Variants in RAD51B observed in about 807,000 individuals in gnomAD.
RAD51B encodes RAD51 paralog B, also known as DNA repair protein RAD51 homolog 2.
In RAD51B, 38 loss-of-function variants were observed where a neutral mutation model predicts 42.2. The observed-to-expected ratio is 0.90, with a 90% CI of 0.70 to 1.18. The LOEUF (loss-of-function observed/expected upper bound fraction) is 1.18. Ranked by LOEUF, RAD51B falls within the 50% of genes most tolerant of loss-of-function variation. RAD51B has a pLI of 0.00. For missense variants in RAD51B, 373 were observed against 400.7 expected, an observed-to-expected ratio of 0.93 and a Z score of 0.59; for synonymous variants, 154 against 145.2, an observed-to-expected ratio of 1.06 and a Z score of -0.43.
intron 7 of RAD51B, among the ~76,000 whole-genome samples, chr14:68,141,029 GAGATAAC>G (rs2078117122): frequency 6.6e-6 from 1 of 152,210 alleles, no homozygotes; most frequent in Middle Eastern, 3.2e-3. Flanking sequence ...TAATTACTCT[GAGATAAC>G]AGCAATAAAC....
At chr14:68,571,817 GT>G (rs1192806871) in intron 10 of RAD51B, among the ~76,000 whole-genome samples, 3 of 151,870 alleles carry the variant, frequency 2.0e-5, no homozygotes, top group Non-Finnish European at 4.4e-5. Context: ...TTGTTTGTTT[GT>G]TTGTTTTTTG....
chr14:68,141,485 C>G (rs948590630), intron 7 of RAD51B, among the ~76,000 whole-genome samples: 2 of 152,178 alleles, frequency 1.3e-5, no homozygotes, highest in African/African-American at 2.4e-5. Flanking sequence ...CCAGCTTAAT[C>G]ATGATTGCAT....
intron 10 of RAD51B, among the ~76,000 whole-genome samples, chr14:68,536,461 G>A (rs1191525363): frequency 6.6e-6 from 1 of 152,098 alleles, no homozygotes; most frequent in Non-Finnish European, 1.5e-5. Context: ...TGTACTTTCC[G>A]AGCCCTACAT....
intron 10 of RAD51B, among the ~76,000 whole-genome samples, chr14:68,513,531 C>T (rs778612350): frequency 6.6e-6 from 1 of 152,214 alleles, no homozygotes; most frequent in South Asian, 2.1e-4. Context: ...CAGACACATT[C>T]GGAAGAAGCA....
Position 68,124,416 on chromosome 14 carries a change from C to T in RAD51B, c.757-167468C>T, listed in dbSNP as rs572705332. ...TTCTAACTTCTAGCAGCCGTACACA[C>T]GAAAAAGTCTGTACAATATAGTGTG... On this transcript the variant is annotated intron_variant, in intron 7 of 10. Transcript: ENST00000471583. Among the ~76,000 whole-genome samples the T allele has an allele frequency of 7.2e-5, 11 of 152,256 alleles. No homozygotes were observed. In the South Asian group the frequency reaches 8.3e-4, roughly 11 times the overall value.
intron 10 of RAD51B, among the ~76,000 whole-genome samples, chr14:68,547,337 T>C (rs1009305292): frequency 6.6e-6 from 1 of 152,242 alleles, no homozygotes; most frequent in Admixed American, 6.5e-5. Flanking sequence ...CATTCTGCCT[T>C]CCTTCCGGCC....
At chr14:67,927,968 T>G (rs137877290) in intron 7 of RAD51B, among the ~76,000 whole-genome samples, 157 of 152,210 alleles carry the variant, frequency 1.0e-3, no homozygotes, top group African/African-American at 3.7e-3. Flanking sequence ...GTATTTTTTT[T>G]GTTGTAGCTT....
At chr14:68,114,809 G>A (rs997567137) in intron 7 of RAD51B, among the ~76,000 whole-genome samples, 3 of 152,136 alleles carry the variant, frequency 2.0e-5, no homozygotes, top group Non-Finnish European at 4.4e-5. Flanking sequence ...AGCAGATACT[G>A]TGAAGAATAT....
At chr14:68,231,676 A>G (rs185253874) in intron 7 of RAD51B, among the ~76,000 whole-genome samples, 40 of 152,332 alleles carry the variant, frequency 2.6e-4, no homozygotes, top group African/African-American at 8.4e-4. Flanking sequence ...ATATATTTGT[A>G]TGTATATATG....
chr14:68,435,559 C>T, intron 9 of RAD51B, among the ~76,000 whole-genome samples: 1 of 146,056 alleles, frequency 6.8e-6, no homozygotes, highest in African/African-American at 2.5e-5. Context: ...AATGGGATTG[C>T]TAAGTCAAAT....
rs1566953769 is a variant in RAD51B, at chr14:67,910,441, A to AAT, written c.756+23240_756+23241dup. Among the ~76,000 whole-genome samples, 32 of 146,196 alleles carry AAT rather than the reference A, an allele frequency of 2.2e-4. 3 individuals carry two copies. The highest frequency in any genetic ancestry group is 1.0e-3 in the East Asian group (5 of 5,008). On this transcript the variant is annotated intron_variant, in intron 7 of 10. Coordinates refer to ENST00000471583, the MANE Select transcript of RAD51B (RefSeq NM_133510.4). ...AAAAAAAAAAAAAAAAAAAAAAAAA[A>AAT]ATATTTAAATAAAAATAATGTTTCA...
At chr14:68,185,593 A>G (rs1055114848) in intron 7 of RAD51B, among the ~76,000 whole-genome samples, 1 of 152,098 alleles carries the variant, frequency 6.6e-6, no homozygotes, top group African/African-American at 2.4e-5. Context: ...ATTCAGGCAG[A>G]CGAGGCTTGC....
At chr14:68,264,649 G>A (rs1205820147) in intron 7 of RAD51B, among the ~76,000 whole-genome samples, 1 of 152,160 alleles carries the variant, frequency 6.6e-6, no homozygotes, top group Non-Finnish European at 1.5e-5. Flanking sequence ...CTTTTATGGA[G>A]CCTTGAGATA....
intron 7 of RAD51B, among the ~76,000 whole-genome samples, chr14:67,984,992 AC>A (rs1202921910): frequency 1.3e-5 from 2 of 152,216 alleles, no homozygotes; most frequent in African/African-American, 4.8e-5. Context: ...TTAAGAAACC[AC>A]CGATCTAATT....
intron 3 of RAD51B, among the ~76,000 whole-genome samples, chr14:67,826,958 C>T (rs2040858165): frequency 6.6e-6 from 1 of 152,190 alleles, no homozygotes; most frequent in South Asian, 2.1e-4. Flanking sequence ...GCTGGGATTA[C>T]ATCAGCCACT....
At chr14:67,835,516 T>C (rs948661112) in intron 4 of RAD51B, among the ~76,000 whole-genome samples, 5 of 151,536 alleles carry the variant, frequency 3.3e-5, no homozygotes, top group African/African-American at 1.2e-4. Context: ...TATATATACA[T>C]ACATGCATAC....
rs76686954 is a variant in RAD51B, at chr14:68,649,531, T to G, written c.1037-1250T>G. Among the ~76,000 whole-genome samples, 5 of 152,338 alleles carry G rather than the reference T, an allele frequency of 3.3e-5. No homozygotes were observed. In the East Asian group the frequency reaches 9.6e-4, roughly 29 times the overall value. On this transcript the variant is annotated intron_variant, in intron 10 of 11. Coordinates refer to the RAD51B transcript ENST00000488612. ...TTCAGCCTAAGTGTCCATTGGCCAT[T>G]AGCCCAGTCTTTCCATTTTCAAGTC...
chr14:68,486,094 T>C (rs1377585972), intron 10 of RAD51B, among the ~76,000 whole-genome samples: 1 of 152,244 alleles, frequency 6.6e-6, no homozygotes, highest in Middle Eastern at 3.2e-3. Flanking sequence ...ATATTATTTT[T>C]AGTGGACGTG....
intron 7 of RAD51B, among the ~76,000 whole-genome samples, chr14:67,914,363 C>T (rs970673382): frequency 1.3e-5 from 2 of 152,142 alleles, no homozygotes; most frequent in Admixed American, 1.3e-4. Context: ...TTTTACACAA[C>T]ACAGTGACCT....
Sources: gnomAD v4.1 joint callset for allele counts (sites outside exome capture counted in the v4.1 genomes callset) on GRCh38, gnomAD v4.1.1 for gene constraint, MANE v1.5 for transcripts, NCBI Gene and HGNC (gene_info 2026-07-23, HGNC 2026-07-21) for gene names.